Variants in PTPRD observed in about 807,000 individuals in gnomAD.
The protein encoded by PTPRD is protein tyrosine phosphatase receptor type D.
Under a neutral mutation model 214.5 loss-of-function variants are expected in PTPRD, and 34 were observed. That is an observed-to-expected ratio of 0.16 (90% CI 0.12 to 0.21). PTPRD has a LOEUF of 0.21. PTPRD is among the 10% of genes least tolerant of loss of function. PTPRD has a pLI of 1.00. For missense variants in PTPRD, 2,545 were observed against 2,398.7 expected, an observed-to-expected ratio of 1.06 and a Z score of -1.27; for synonymous variants, 1,128 against 845.7, an observed-to-expected ratio of 1.33 and a Z score of -5.79.
At chr9:9,112,061 T>C (rs1248217793) in intron 10 of PTPRD, among the ~76,000 whole-genome samples, 2 of 152,184 alleles carry the variant, frequency 1.3e-5, no homozygotes, top group Non-Finnish European at 2.9e-5. Flanking sequence ...CCTCTGCTTT[T>C]ACTGCTGCCC....
intron 4 of PTPRD, among the ~76,000 whole-genome samples, chr9:9,977,555 G>T (rs1005009462): frequency 6.6e-6 from 1 of 152,074 alleles, no homozygotes; most frequent in Non-Finnish European, 1.5e-5. Flanking sequence ...TGATTTTTAA[G>T]GGGTTTCCAA....
chr9:9,790,497 A>G (rs1263900994), intron 5 of PTPRD, among the ~76,000 whole-genome samples: 1 of 152,204 alleles, frequency 6.6e-6, no homozygotes, highest in Non-Finnish European at 1.5e-5. Flanking sequence ...GCCTGATTTC[A>G]GTGGCTTTAT....
Position 8,484,262 on chromosome 9 carries a change from G to C in PTPRD, c.3270C>G (p.Asn1090Lys), listed in dbSNP as rs2135778965. 1 of 1,614,126 alleles carries C rather than the reference G, an allele frequency of 6.2e-7. No individual in the cohort carries two copies. Residue 1090 changes from asparagine to lysine, a missense_variant, in exon 30 of 46, where the codon AAC becomes AAG. Transcript: ENST00000381196. ...CCCTGTGCTGCAGCCCACCAGCACT[G>C]TTTCCACGATTTGTCAGCACAAATG... ...SYSFVLTNRG[N>K]SAGGLQHRVT... is the part of the protein sequence containing the mutation.
chr9:9,487,951 C>T (rs551691129), intron 8 of PTPRD, among the ~76,000 whole-genome samples: 5 of 152,150 alleles, frequency 3.3e-5, no homozygotes, highest in African/African-American at 1.2e-4. Flanking sequence ...AAAATAATAG[C>T]TTGAAATTAA....
Position 8,803,086 on chromosome 9 carries a change from G to C in PTPRD, c.-103-69140C>G, listed in dbSNP as rs998894211. 1.9e-4 allele frequency among the ~76,000 whole-genome samples: 29 copies of C among 151,920 alleles called. 1 individual carries two copies. The highest frequency in any genetic ancestry group is 7.0e-4 in the African/African-American group (29 of 41,346). On this transcript the variant is annotated intron_variant, in intron 11 of 45. Transcript: ENST00000381196. Reference sequence around the variant, plus strand: ...ATTAAATAATTAAATAAATAAAATGGACATAATAATTATACTTACCTCCTA... The same window carrying C: ...ATTAAATAATTAAATAAATAAAATGCACATAATAATTATACTTACCTCCTA...
intron 2 of PTPRD, among the ~76,000 whole-genome samples, chr9:10,353,852 A>T (rs897643740): frequency 2.0e-5 from 3 of 151,998 alleles, no homozygotes; most frequent in Admixed American, 2.0e-4. Context: ...GCTTTGGAAA[A>T]CTACCACAAA....
chr9:9,393,405 T>C (rs2066580513), intron 9 of PTPRD, among the ~76,000 whole-genome samples: 1 of 152,096 alleles, frequency 6.6e-6, no homozygotes, highest in Non-Finnish European at 1.5e-5. Flanking sequence ...TAGTCTGCTA[T>C]ATGGAAAGGA....
chr9:8,877,088 A>C (rs999589838), intron 11 of PTPRD, among the ~76,000 whole-genome samples: 1 of 151,950 alleles, frequency 6.6e-6, no homozygotes, highest in Non-Finnish European at 1.5e-5. Flanking sequence ...CACCATGTCC[A>C]GATAATTTTT....
At chr9:9,267,668 G>A (rs1940637872) in intron 9 of PTPRD, among the ~76,000 whole-genome samples, 1 of 150,994 alleles carries the variant, frequency 6.6e-6, no homozygotes, top group South Asian at 2.1e-4. Context: ...CTTATTAAAA[G>A]GATCATATAC....
intron 39 of PTPRD, among the ~76,000 whole-genome samples, chr9:8,352,797 T>G (rs570867286): frequency 2.0e-5 from 3 of 152,194 alleles, no homozygotes; most frequent in Middle Eastern, 3.4e-3. Context: ...TGCCAGGAGT[T>G]TTTTGGTTTT....
intron 11 of PTPRD, among the ~76,000 whole-genome samples, chr9:8,937,222 G>A (rs989139859): frequency 6.6e-6 from 1 of 152,132 alleles, no homozygotes; most frequent in African/African-American, 2.4e-5. Flanking sequence ...CACCTGATGA[G>A]CATCACAGGA....
intron 3 of PTPRD, among the ~76,000 whole-genome samples, chr9:10,098,096 AT>A (rs1201751812): frequency 6.6e-6 from 1 of 151,872 alleles, no homozygotes; most frequent in African/African-American, 2.4e-5. Flanking sequence ...ACCAATCCAA[AT>A]GTCCAACAAT....
intron 8 of PTPRD, among the ~76,000 whole-genome samples, chr9:9,553,415 G>A (rs2080797587): frequency 6.6e-6 from 1 of 151,922 alleles, no homozygotes; most frequent in African/African-American, 2.4e-5. Context: ...ACCCTTCAAG[G>A]TAATAACAAA....
chr9:9,424,238 C>T (rs1473020277), intron 8 of PTPRD, among the ~76,000 whole-genome samples: 2 of 152,216 alleles, frequency 1.3e-5, no homozygotes, highest in African/African-American at 4.8e-5. Flanking sequence ...ATTCAGACTT[C>T]TTTACTCCTT....
chr9:8,609,399 C>T (rs575502147), intron 14 of PTPRD, among the ~76,000 whole-genome samples: 2 of 152,282 alleles, frequency 1.3e-5, no homozygotes, highest in African/African-American at 4.8e-5. Context: ...GTTTTGTCAT[C>T]TTTTCTTACC....
intron 10 of PTPRD, among the ~76,000 whole-genome samples, chr9:9,167,849 C>A (rs1018895808): frequency 2.6e-5 from 4 of 152,138 alleles, no homozygotes; most frequent in Non-Finnish European, 2.9e-5. Context: ...CATTTTACAG[C>A]CACTGCATGA....
intron 7 of PTPRD, among the ~76,000 whole-genome samples, chr9:9,689,226 A>C (rs1191972609): frequency 1.3e-5 from 2 of 151,864 alleles, no homozygotes; most frequent in East Asian, 3.9e-4. Flanking sequence ...CATTTGTAAA[A>C]TCAGTAAAAT....
rs531509881 is a variant in PTPRD at position 9,699,412 on chromosome 9, T to C, written c.-287+35121A>G. On this transcript the variant is annotated intron_variant, in intron 7 of 45. Transcript: ENST00000381196. The stretch of plus-strand genomic sequence containing the variant: ...TAAGCTAAAATTCCTTTTTGTTCTT[T>C]TTTGTCCCCCTTAGGAATGAAATGC... 5.9e-5 allele frequency among the ~76,000 whole-genome samples: 9 copies of C among 152,312 alleles called. No individual in the cohort carries two copies. In the East Asian group the frequency reaches 1.5e-3, roughly 26 times the overall value.
At chr9:9,156,717 T>C (rs2099881491) in intron 10 of PTPRD, among the ~76,000 whole-genome samples, 1 of 150,920 alleles carries the variant, frequency 6.6e-6, no homozygotes, top group South Asian at 2.1e-4. Context: ...ACCCAGACTC[T>C]TTCCATCTTA....
Sources: allele counts gnomAD v4.1 joint callset (sites outside exome capture counted in the v4.1 genomes callset), GRCh38; gene constraint gnomAD v4.1.1; transcripts MANE v1.5; gene names NCBI Gene and HGNC (gene_info 2026-07-23, HGNC 2026-07-21).